The following C6orf141 variants were observed in gnomAD, a reference collection of about 807,000 sequenced individuals.
C6orf141 encodes the protein uncharacterized protein C6orf141.
For synonymous variants in C6orf141, 164 were observed against 140.5 expected, an observed-to-expected ratio of 1.17 and a Z score of -1.18; for missense variants, 361 against 335.8, an observed-to-expected ratio of 1.07 and a Z score of -0.59.
chr6:49,551,862 C>T lies in C6orf141; in HGVS notation c.*335C>T. 3.5e-6 allele frequency: 4 copies of T among 1,151,632 alleles called. No individual in the cohort carries two copies. The highest frequency in any genetic ancestry group is 4.3e-6 in the Non-Finnish European group (4 of 924,036). 71.3% of individuals were successfully genotyped at this position (1,151,632 alleles called of 1,614,324 possible). A position where few individuals can be genotyped will look rare whatever the true frequency, so the allele number is the denominator to read the frequency against. On this transcript the variant is annotated 3_prime_UTR_variant, in exon 1 of 1. Transcript: ENST00000529246. ...TTGATCTCTTTTCTGTTCCCCGCCC[C>T]CCTCTTGTTTCTCTTTAGGACCTAG...
rs1054946797 is a variant in C6orf141, at chr6:49,559,799, C to T, written c.*764-1905C>T. On this transcript the variant is annotated intron_variant and NMD_transcript_variant, in intron 4 of 4. Transcript: ENST00000371194. The stretch of plus-strand genomic sequence containing the variant: ...GGGTACCACATAATTTTTAACAAAG[C>T]GAGAGAACTTTCAGGGAGAACTTCG... 3.3e-5 allele frequency among the ~76,000 whole-genome samples: 5 copies of T among 152,092 alleles called. No individual in the cohort carries two copies. In the East Asian group the frequency reaches 5.8e-4, roughly 18 times the overall value.
Position 49,551,326 on chromosome 6 carries a change from G to A in C6orf141, c.534G>A (p.Lys178=), listed in dbSNP as rs761394032. 3 of 1,551,714 alleles carry A rather than the reference G, an allele frequency of 1.9e-6. No homozygotes were observed. In the South Asian group the frequency reaches 3.6e-5, roughly 18 times the overall value. The change falls in exon 1 of 1, where the codon AAG becomes AAA. Residue 178 remains lysine (K), a synonymous_variant. Coordinates refer to ENST00000529246, the MANE Select transcript of C6orf141 (RefSeq NM_001145652.2). ...TQEVLQTSWA[K]GRMTTRTEEH... is the part of the protein sequence containing the mutation. ...AAGTGTTGCAGACCTCCTGGGCCAA[G>A]GGTCGCATGACCACGAGGACTGAGG...
At chr6:49,554,038 G>T (rs746561125), downstream of C6orf141, among the ~76,000 whole-genome samples, 2 of 152,226 alleles carry the variant, frequency 1.3e-5, no homozygotes, top group South Asian at 4.1e-4. Flanking sequence ...CTTATTTCTA[G>T]CTTTTCCTAA....
At chr6:49,553,042 C>T (rs1226149224), downstream of C6orf141, 1 of 152,322 alleles carries the variant, frequency 6.6e-6, no homozygotes, top group African/African-American at 2.4e-5. Flanking sequence ...AGCGATGCTC[C>T]TACCTCAGCC....
intron 4 of C6orf141, among the ~76,000 whole-genome samples, chr6:49,558,404 GAAAAAAAA>G (rs10716612): frequency 1.5e-5 from 2 of 135,254 alleles, no homozygotes; most frequent in African/African-American, 5.5e-5. Context: ...CCCTGAGTTG[GAAAAAAAA>G]AAAAAAAAGA....
chr6:49,551,769 T>C lies in C6orf141; in HGVS notation c.*242T>C. ...GAGGTGGAGAAAAGATATTTTCAGA[T>C]TGGCAGAATGTGGGAGTTTTGAAAT... On this transcript the variant is annotated 3_prime_UTR_variant, in exon 1 of 1. Coordinates refer to ENST00000529246, the MANE Select transcript of C6orf141 (RefSeq NM_001145652.2). 2.2e-6 allele frequency: 3 copies of C among 1,364,664 alleles called. No individual in the cohort carries two copies. Among genetic ancestry groups the C allele is most frequent in the Non-Finnish European group, 2.8e-6 (3 of 1,054,934 alleles). The allele number at this position is 1,364,664 out of a possible 1,614,324, so 84.5% of individuals were successfully genotyped here. A position where few individuals can be genotyped will look rare whatever the true frequency, so the allele number is the denominator to read the frequency against.
chr6:49,550,720 C>A lies in C6orf141; in HGVS notation c.-73C>A. On this transcript the variant is annotated 5_prime_UTR_variant, in exon 1 of 1. Transcript: ENST00000529246. ...CCGGAGCTGCAGCAGAGGCCACACC[C>A]AGGGCTTGGTGGTCCCGCGCTTTCC... 7.6e-7 allele frequency: 1 copy of A among 1,315,314 alleles called. No homozygotes were observed. 81.5% of individuals were successfully genotyped at this position (1,315,314 alleles called of 1,614,324 possible). A position where few individuals can be genotyped will look rare whatever the true frequency, so the allele number is the denominator to read the frequency against.
rs1770672978 is a variant in C6orf141 at position 49,551,746 on chromosome 6, G to A, written c.*219G>A. On this transcript the variant is annotated 3_prime_UTR_variant, in exon 1 of 1. Transcript: ENST00000529246. ...CTGGGGACCTAAGTCATTCAGAAGA[G>A]GTGGAGAAAAGATATTTTCAGATTG... The A allele has an allele frequency of 7.2e-7, 1 of 1,397,774 alleles. No homozygotes were observed. Among genetic ancestry groups the A allele is most frequent in the Non-Finnish European group, 9.3e-7 (1 of 1,074,880 alleles). 86.6% of individuals were successfully genotyped at this position (1,397,774 alleles called of 1,614,324 possible).
At chr6:49,556,558 G>T (rs976242424), downstream of C6orf141, among the ~76,000 whole-genome samples, 1 of 152,226 alleles carries the variant, frequency 6.6e-6, no homozygotes, top group East Asian at 1.9e-4. Flanking sequence ...AAAAACTCCT[G>T]TAAAGGTGAA....
downstream of C6orf141, among the ~76,000 whole-genome samples, chr6:49,554,466 C>G (rs12665597): frequency 1.3e-5 from 2 of 152,146 alleles, no homozygotes; most frequent in African/African-American, 4.8e-5. Flanking sequence ...CTCCAAGCTC[C>G]GCCTCCCATG....
At chr6:49,558,064 T>C in intron 4 of C6orf141, among the ~76,000 whole-genome samples, 1 of 126,086 alleles carries the variant, frequency 7.9e-6, no homozygotes, top group South Asian at 2.6e-4. Context: ...AATATGTTTT[T>C]TTTTTTTTTT....
At chr6:49,553,947 A>T (rs963256599), downstream of C6orf141, among the ~76,000 whole-genome samples, 1 of 152,230 alleles carries the variant, frequency 6.6e-6, no homozygotes, top group Non-Finnish European at 1.5e-5. Flanking sequence ...CAAAAAGCAG[A>T]AATTGTATAA....
chr6:49,556,394 C>T (rs149215282), downstream of C6orf141, among the ~76,000 whole-genome samples: 308 of 152,202 alleles, frequency 2.0e-3, 2 homozygotes, highest in African/African-American at 7.1e-3. Flanking sequence ...GGTAAATTGG[C>T]GAAGAGATCT....
chr6:49,555,296 A>C (rs1304715701), downstream of C6orf141: 1 of 152,162 alleles, frequency 6.6e-6, no homozygotes, highest in Non-Finnish European at 1.5e-5. Context: ...CTTTGCTTTG[A>C]AAAAGAAAAA....
chr6:49,556,789 G>A (rs1028029250), downstream of C6orf141, among the ~76,000 whole-genome samples: 4 of 152,182 alleles, frequency 2.6e-5, no homozygotes, highest in African/African-American at 9.7e-5. Flanking sequence ...GGGCAAATCT[G>A]TGAATTTACT....
At chr6:49,560,762 A>G (rs1773154752) in intron 4 of C6orf141, 1 of 152,336 alleles carries the variant, frequency 6.6e-6, no homozygotes, top group African/African-American at 2.4e-5. Flanking sequence ...TCAGCCTCCC[A>G]AAGTGCTGGG....
In C6orf141 at chr6:49,551,311, G is replaced by T; in HGVS notation, c.519G>T (p.Gln173His). 6.4e-7 allele frequency: 1 copy of T among 1,551,718 alleles called. No individual in the cohort carries two copies. The highest frequency in any genetic ancestry group is 1.2e-5 in the South Asian group (1 of 84,060). Residue 173 changes from glutamine to histidine, a missense_variant, in exon 1 of 1, where the codon CAG becomes CAT. Coordinates refer to ENST00000529246, the MANE Select transcript of C6orf141 (RefSeq NM_001145652.2). ...EDYQVTQEVL[Q>H]TSWAKGRMTT... ...ATCAGGTAACACAAGAAGTGTTGCA[G>T]ACCTCCTGGGCCAAGGGTCGCATGA... is the stretch of plus-strand genomic sequence containing the variant.
At chr6:49,560,658 C>T (rs1239564942) in intron 4 of C6orf141, 1 of 152,144 alleles carries the variant, frequency 6.6e-6, no homozygotes, top group Non-Finnish European at 1.5e-5. Context: ...CCTGCAACCA[C>T]ACCCAGCTAA....
rs942619196 is a variant in C6orf141 at position 49,551,819 on chromosome 6, T to G, written c.*292T>G. On this transcript the variant is annotated 3_prime_UTR_variant, in exon 1 of 1. Coordinates refer to ENST00000529246, the MANE Select transcript of C6orf141 (RefSeq NM_001145652.2). ...TGAGAAAACCTGTTGTTAATTTGCA[T>G]TTTGGAATAACTCTCAATTGATCTC... 6.3e-6 allele frequency: 8 copies of G among 1,264,812 alleles called. No individual in the cohort carries two copies. Among genetic ancestry groups the G allele is most frequent in the Non-Finnish European group, 8.1e-6 (8 of 993,368 alleles). 78.3% of individuals were successfully genotyped at this position (1,264,812 alleles called of 1,614,324 possible).
Sources: gnomAD v4.1 joint callset for allele counts (sites outside exome capture counted in the v4.1 genomes callset) on GRCh38, gnomAD v4.1.1 for gene constraint, MANE v1.5 for transcripts, NCBI Gene and HGNC (gene_info 2026-07-23, HGNC 2026-07-21) for gene names.